ZNF599: variants seen among roughly 807,000 people sequenced by gnomAD.
The protein encoded by ZNF599 is zinc finger protein 599.
A neutral mutation model predicts 11.7 loss-of-function variants in ZNF599; 10 were observed. The observed-to-expected ratio is 0.86, with a 90% CI of 0.53 to 1.45. The LOEUF (loss-of-function observed/expected upper bound fraction) is 1.45. ZNF599 is among the 40% of genes most tolerant of loss of function. ZNF599 has a pLI of 0.00. For missense variants in ZNF599, 688 were observed against 713.6 expected, an observed-to-expected ratio of 0.96 and a Z score of 0.41; for synonymous variants, 232 against 253.2, an observed-to-expected ratio of 0.92 and a Z score of 0.79.
chr19:34,782,240 G>C, the ZNF599 span, among the ~76,000 whole-genome samples: 1 of 152,202 alleles, frequency 6.6e-6, no homozygotes, highest in South Asian at 2.1e-4. Flanking sequence ...TGGCAGGTGA[G>C]TGGCCAGCAT....
the ZNF599 span, among the ~76,000 whole-genome samples, chr19:34,783,572 G>A: frequency 2.9e-4 from 44 of 152,270 alleles, no homozygotes; most frequent in Non-Finnish European, 5.6e-4. Context: ...CCACAGGCAA[G>A]TGTTTATTTT....
At chr19:34,789,642 G>T in the ZNF599 span, among the ~76,000 whole-genome samples, 1 of 152,126 alleles carries the variant, frequency 6.6e-6, no homozygotes, top group South Asian at 2.1e-4. Flanking sequence ...TTGGTCATTT[G>T]TATGTCTTCT....
chr19:34,777,410 A>AATATATATTAATTAATATATAATATATG (rs1324988845), upstream of ZNF599, among the ~76,000 whole-genome samples: 303 of 91,218 alleles, frequency 3.3e-3, 15 homozygotes, highest in African/African-American at 0.014. Flanking sequence ...TATTATATAT[A>AATATATATTAATTAATATATAATATATG]ATATATATTA....
At chr19:34,789,650 T>G in the ZNF599 span, among the ~76,000 whole-genome samples, 1 of 152,352 alleles carries the variant, frequency 6.6e-6, no homozygotes, top group East Asian at 1.9e-4. Flanking sequence ...TTGTATGTCT[T>G]CTTTAGATGC....
Position 34,759,221 on chromosome 19 carries a change from C to G in ZNF599, c.1580G>C (p.Arg527Thr), listed in dbSNP as rs1461509451. ...TQPANFVRHN[R>T]IHTGEKPFEC... Reference sequence around the variant, plus strand: ...AAAAGGTTTTTCTCCAGTGTGGATCCTATTATGCCGAACAAAATTTGCAGG... The same window carrying G: ...AAAAGGTTTTTCTCCAGTGTGGATCGTATTATGCCGAACAAAATTTGCAGG... The change falls in exon 4 of 4, where the codon AGG becomes ACG. Residue 527 changes from arginine to threonine, a missense_variant. Physicochemically the swap from Arg to Thr is moderately conservative, Grantham distance 71. Transcript: ENST00000329285. The G allele has an allele frequency of 6.2e-7, 1 of 1,613,864 alleles. No homozygotes were observed. The highest frequency in any genetic ancestry group is 8.5e-7 in the Non-Finnish European group (1 of 1,179,994).
chr19:34,798,731 T>C, the ZNF599 span, among the ~76,000 whole-genome samples: 1 of 152,232 alleles, frequency 6.6e-6, no homozygotes, highest in Non-Finnish European at 1.5e-5. Flanking sequence ...GTAATACAGA[T>C]AGATTTGCAT....
chr19:34,802,451 C>T, the ZNF599 span, among the ~76,000 whole-genome samples: 1 of 152,126 alleles, frequency 6.6e-6, no homozygotes, highest in Non-Finnish European at 1.5e-5. Flanking sequence ...AATCCAATGG[C>T]AAAAGAGTGG....
At chr19:34,761,592 G>A (rs776357968) in intron 3 of ZNF599, among the ~76,000 whole-genome samples, 23 of 152,218 alleles carry the variant, frequency 1.5e-4, no homozygotes, top group African/African-American at 4.6e-4. Context: ...TAAGACAAAC[G>A]GTGAAAGGGA....
intron 1 of ZNF599, among the ~76,000 whole-genome samples, chr19:34,771,781 G>A (rs1331814752): frequency 5.9e-5 from 9 of 152,200 alleles, no homozygotes; most frequent in African/African-American, 1.9e-4. Flanking sequence ...AAGTGGTACA[G>A]GCCCAGAACA....
the ZNF599 span, among the ~76,000 whole-genome samples, chr19:34,804,487 G>C: frequency 6.6e-6 from 1 of 152,180 alleles, no homozygotes. Context: ...GAAAGCTGAA[G>C]ATCATGACCT....
At chr19:34,797,574 G>A in the ZNF599 span, among the ~76,000 whole-genome samples, 1 of 152,114 alleles carries the variant, frequency 6.6e-6, no homozygotes, top group African/African-American at 2.4e-5. Context: ...GTGATGATGA[G>A]CATTTTTTCA....
At chr19:34,783,766 C>G in the ZNF599 span, among the ~76,000 whole-genome samples, 1 of 152,172 alleles carries the variant, frequency 6.6e-6, no homozygotes, top group Non-Finnish European at 1.5e-5. Context: ...AACAAAAGGG[C>G]TCAGTCTTCT....
chr19:34,791,796 C>T, the ZNF599 span: 3 of 152,214 alleles, frequency 2.0e-5, no homozygotes, highest in African/African-American at 7.2e-5. Context: ...GGGACTCCCA[C>T]CTGCCCAGCT....
intron 3 of ZNF599, chr19:34,765,146 G>A (rs547358116): frequency 6.4e-6 from 1 of 157,162 alleles, no homozygotes; most frequent in East Asian, 1.8e-4. Context: ...AGTAAGTGAA[G>A]AAGCATGTTC....
chr19:34,791,520 T>A, the ZNF599 span, among the ~76,000 whole-genome samples: 2 of 152,216 alleles, frequency 1.3e-5, 1 homozygote, highest in South Asian at 4.1e-4. Flanking sequence ...ATAGCCAGCA[T>A]TAACTTAGCC....
At chr19:34,803,328 A>C in the ZNF599 span, among the ~76,000 whole-genome samples, 1 of 152,174 alleles carries the variant, frequency 6.6e-6, no homozygotes, top group African/African-American at 2.4e-5. Context: ...AATCTAGTCT[A>C]AAGTATCTGG....
At chr19:34,804,162 C>T in the ZNF599 span, among the ~76,000 whole-genome samples, 1 of 152,210 alleles carries the variant, frequency 6.6e-6, no homozygotes, top group Non-Finnish European at 1.5e-5. Context: ...AACTGCTGCC[C>T]TCCTAATGCC....
intron 1 of ZNF599, chr19:34,772,615 G>A (rs947529059): frequency 5.9e-6 from 8 of 1,365,286 alleles, no homozygotes; most frequent in Non-Finnish European, 4.7e-6. Flanking sequence ...CAGAGACAGG[G>A]ACCTCTCCTT....
the ZNF599 span, among the ~76,000 whole-genome samples, chr19:34,803,271 C>T: frequency 4.6e-5 from 7 of 152,200 alleles, no homozygotes; most frequent in East Asian, 1.2e-3. Flanking sequence ...AGTCCATTGT[C>T]CTAATGTGAG....
Sources: gnomAD v4.1 joint callset for allele counts (sites outside exome capture counted in the v4.1 genomes callset) on GRCh38, gnomAD v4.1.1 for gene constraint, MANE v1.5 for transcripts, NCBI Gene and HGNC (gene_info 2026-07-23, HGNC 2026-07-21) for gene names.